MYO9B: variants seen among roughly 807,000 people sequenced by gnomAD.
The protein encoded by MYO9B is myosin IXB.
Under a neutral mutation model 229.5 loss-of-function variants are expected in MYO9B, and 71 were observed. The observed-to-expected ratio is 0.31, with a 90% CI of 0.26 to 0.38. The LOEUF is 0.38. Ranked by LOEUF, MYO9B falls within the 10% of genes least tolerant of loss-of-function variation. The pLI is 1.00. For synonymous variants in MYO9B, 1,185 were observed against 1,235.8 expected, an observed-to-expected ratio of 0.96 and a Z score of 0.86; for missense variants, 2,255 against 2,920.5, an observed-to-expected ratio of 0.77 and a Z score of 5.25.
chr19:17,172,079 G>A lies in MYO9B; in HGVS notation c.1794-257G>A, dbSNP rs1318015914. On this transcript the variant is annotated intron_variant, in intron 11 of 39. Transcript: ENST00000682292. This position sits in a 1 kb window ranked among gnomAD's most constrained non-coding sequence, Gnocchi z 8.2. ...CCTCCACCAGCGTGTTCAGCATGAG[G>A]CAGGCAGGCACACCCAGATAGCAGC... Among the ~76,000 whole-genome samples the A allele has an allele frequency of 6.6e-6, 1 of 152,120 alleles. No homozygotes were observed. The highest frequency in any genetic ancestry group is 1.5e-5 in the Non-Finnish European group (1 of 68,022).
In MYO9B at chr19:17,195,830, G is replaced by A. The variant is rs1476789006; in HGVS notation, c.4046+357G>A. Among the ~76,000 whole-genome samples, 2 of 152,064 alleles carry A rather than the reference G, an allele frequency of 1.3e-5. No homozygotes were observed. The highest frequency in any genetic ancestry group is 1.3e-4 in the Admixed American group (2 of 15,252). On this transcript the variant is annotated intron_variant, in intron 22 of 39. Coordinates refer to ENST00000682292, the MANE Select transcript of MYO9B (RefSeq NM_004145.4). The surrounding 1 kb of genome is among the most constrained non-coding windows in gnomAD (Gnocchi z 4.5). ...CTAACTGCACTCCTCGGGGTTAAAG[G>A]AGCAGGGGCTTGCTCTGCCTGAGCC...
chr19:17,133,351 A>G (rs1045441263), intron 2 of MYO9B, among the ~76,000 whole-genome samples: 4 of 152,192 alleles, frequency 2.6e-5, no homozygotes, highest in African/African-American at 9.6e-5. Flanking sequence ...TCACCATGTT[A>G]TACAATAGAT....
intron 14 of MYO9B, 26 bp downstream of exon 14, chr19:17,175,767 A>G (rs1286561540): frequency 9.1e-6 from 14 of 1,534,978 alleles, no homozygotes; most frequent in Non-Finnish European, 1.2e-5. Context: ...ATTTGCCCAA[A>G]CTGAAATCAT....
At chr19:17,141,210 G>C (rs2072334818) in intron 2 of MYO9B, among the ~76,000 whole-genome samples, 1 of 151,998 alleles carries the variant, frequency 6.6e-6, no homozygotes, top group African/African-American at 2.4e-5. Context: ...GTCTCTCTGT[G>C]TCATTGTGTC....
intron 2 of MYO9B, among the ~76,000 whole-genome samples, chr19:17,106,961 G>T (rs553194925): frequency 2.1e-4 from 32 of 152,346 alleles, no homozygotes; most frequent in Admixed American, 9.2e-4. Context: ...TACTTCGGAG[G>T]CTGAGGCAGG....
Position 17,192,936 on chromosome 19 carries a change from G to T in MYO9B, c.3002G>T (p.Arg1001Met). The T allele has an allele frequency of 6.5e-7, 1 of 1,545,898 alleles. No homozygotes were observed. ...RSYRVRRALE[R>M]TQAAVYLQAS... ...TACCGGGTCCGGAGGGCGCTGGAGA[G>T]GACGCAGGCTGCCGTGTACCTCCAG... The change falls in exon 21 of 40, where the codon AGG (arginine) becomes ATG (methionine). Residue 1001 changes from arginine (R) to methionine (M), a missense_variant. By Grantham distance (91) the Arg-to-Met change is moderately conservative. Transcript: ENST00000682292.
intron 2 of MYO9B, among the ~76,000 whole-genome samples, chr19:17,121,168 C>T (rs1272828779): frequency 6.6e-6 from 1 of 152,144 alleles, no homozygotes; most frequent in Non-Finnish European, 1.5e-5. Flanking sequence ...GTCTCGAACT[C>T]CTGGACTCAA....
At position 17,198,238 on chromosome 19, in the gene MYO9B, A is replaced by G. The variant is rs772493299; in HGVS notation, c.4168A>G (p.Lys1390Glu). 7.4e-6 allele frequency: 12 copies of G among 1,613,688 alleles called. No individual in the cohort carries two copies. Among genetic ancestry groups the G allele is most frequent in the Non-Finnish European group, 8.5e-6 (10 of 1,179,822 alleles). Residue 1390 changes from lysine to glutamate, a missense_variant, in exon 24 of 40, where the codon AAG (lysine) becomes GAG (glutamate). Physicochemically the swap from Lys to Glu is moderately conservative, Grantham distance 56. This residue lies in a region of MYO9B where 679 missense variants were observed against 770.2 expected (regional missense o/e 0.88). Coordinates refer to ENST00000682292, the MANE Select transcript of MYO9B (RefSeq NM_004145.4). The part of the protein sequence containing the change: ...ERSAKKPAVQ[K>E]KKPGDASSLP... Reference sequence around the variant, plus strand: ...AAGTGCGAAAAAGCCAGCTGTCCAGAAGAAGAAGCCAGGCGACGCATCCTC... The same window carrying G: ...AAGTGCGAAAAAGCCAGCTGTCCAGGAGAAGAAGCCAGGCGACGCATCCTC...
At position 17,157,005 on chromosome 19, in the gene MYO9B, C is replaced by G; in HGVS notation, c.1296C>G (p.Pro432=). ...AGGAAGGGTTGGAGGTCGGGCCACC[C>G]GAGGTGCTGGACACCCTGTCGCAGC... is the stretch of plus-strand genomic sequence containing the variant. ...GREEGLEVGP[P]EVLDTLSQLL... is the part of the protein sequence containing the mutation. Residue 432 remains proline (P), a synonymous_variant, in exon 7 of 40, where the codon CCC becomes CCG. Transcript: ENST00000682292. 6.2e-7 allele frequency: 1 copy of G among 1,613,736 alleles called. No homozygotes were observed. The highest frequency in any genetic ancestry group is 8.5e-7 in the Non-Finnish European group (1 of 1,179,796).
chr19:17,121,714 G>A (rs897559352), intron 2 of MYO9B, among the ~76,000 whole-genome samples: 1 of 152,170 alleles, frequency 6.6e-6, no homozygotes, highest in Non-Finnish European at 1.5e-5. Flanking sequence ...GGAAGGGCGC[G>A]GTGGCTCACG....
intron 28 of MYO9B, 93 bp downstream of exon 28, chr19:17,202,396 C>T (rs1445503560): frequency 1.6e-6 from 2 of 1,274,080 alleles, no homozygotes; most frequent in East Asian, 2.5e-5. Flanking sequence ...CCTCACCATG[C>T]TTATGCCACA....
At chr19:17,097,540 C>T (rs996089963) in intron 1 of MYO9B, among the ~76,000 whole-genome samples, 1 of 152,136 alleles carries the variant, frequency 6.6e-6, no homozygotes, top group Non-Finnish European at 1.5e-5. Flanking sequence ...CAGTATATAT[C>T]TATTTCCCTG....
intron 3 of MYO9B, among the ~76,000 whole-genome samples, chr19:17,149,261 G>A (rs1451939099): frequency 1.3e-5 from 2 of 152,176 alleles, no homozygotes; most frequent in African/African-American, 4.8e-5. Context: ...TTACAGGCAT[G>A]AGCCACTGCG....
intron 2 of MYO9B, among the ~76,000 whole-genome samples, chr19:17,109,164 C>T (rs888082690): frequency 2.6e-5 from 4 of 151,462 alleles, no homozygotes; most frequent in South Asian, 4.2e-4. Flanking sequence ...CTCCCGGGTT[C>T]GTGCCATTCT....
chr19:17,203,355 C>G (rs1427224013), intron 30 of MYO9B, 97 bp downstream of exon 30: 8 of 893,428 alleles, frequency 9.0e-6, no homozygotes, highest in Non-Finnish European at 1.4e-5. Context: ...TGGCTCACAC[C>G]TGTAATCCCA....
At chr19:17,106,290 T>C (rs1484599891) in intron 2 of MYO9B, among the ~76,000 whole-genome samples, 1 of 152,188 alleles carries the variant, frequency 6.6e-6, no homozygotes, top group Non-Finnish European at 1.5e-5. Context: ...TTACATTATA[T>C]ACCCAGACCG....
At chr19:17,098,043 G>GA (rs928255485) in intron 1 of MYO9B, among the ~76,000 whole-genome samples, 2 of 62,544 alleles carry the variant, frequency 3.2e-5, no homozygotes, top group Non-Finnish European at 5.6e-5. Flanking sequence ...TCATCCTTCA[G>GA]AACCCCCCCC....
intron 1 of MYO9B, among the ~76,000 whole-genome samples, chr19:17,099,707 A>G (rs1358464558): frequency 2.0e-5 from 3 of 150,902 alleles, no homozygotes; most frequent in Admixed American, 2.0e-4. Context: ...TGTCTCAGCT[A>G]CTCGAGAGGC....
At chr19:17,144,577 A>G (rs1447523921) in intron 2 of MYO9B, among the ~76,000 whole-genome samples, 1 of 152,026 alleles carries the variant, frequency 6.6e-6, no homozygotes, top group African/African-American at 2.4e-5. Flanking sequence ...AGCCTGGGTG[A>G]CATTGTGTGA....
Sources: gnomAD v4.1 joint callset for allele counts (sites outside exome capture counted in the v4.1 genomes callset) on GRCh38, gnomAD v4.1.1 for gene constraint, gnomAD v4.1.1 regional missense constraint, Gnocchi (gnomAD v3.1) non-coding constraint, MANE v1.5 for transcripts, NCBI Gene and HGNC (gene_info 2026-07-23, HGNC 2026-07-21) for gene names.